The following ELAPOR2 variants were observed in gnomAD, a reference collection of about 807,000 sequenced individuals.
ELAPOR2 encodes endosome-lysosome associated apoptosis and autophagy regulator family member 2.
In ELAPOR2, 89 loss-of-function variants were observed where a neutral mutation model predicts 120.7. That is an observed-to-expected ratio of 0.74 (90% CI 0.62 to 0.88). The LOEUF (loss-of-function observed/expected upper bound fraction) is 0.88, where lower values mean the gene tolerates loss of function less well. Among genes scored for constraint, ELAPOR2 ranks in the 40% least tolerant of loss-of-function variants. ELAPOR2 has a pLI of 0.00. For missense variants in ELAPOR2, 1,134 were observed against 1,251.6 expected, an observed-to-expected ratio of 0.91 and a Z score of 1.42; for synonymous variants, 444 against 444.9, an observed-to-expected ratio of 1.00 and a Z score of 0.03.
intron 1 of ELAPOR2, among the ~76,000 whole-genome samples, chr7:87,006,736 A>G (rs2116649429): frequency 6.6e-6 from 1 of 152,332 alleles, no homozygotes; most frequent in South Asian, 2.1e-4. Flanking sequence ...ATGTCCACAA[A>G]GCAGACTTGT....
At chr7:87,016,658 G>T (rs1245003384) in intron 1 of ELAPOR2, among the ~76,000 whole-genome samples, 6 of 143,530 alleles carry the variant, frequency 4.2e-5, no homozygotes, top group Non-Finnish European at 9.1e-5. Context: ...ACGGAGTATA[G>T]TAACTATTAT....
In ELAPOR2 at chr7:87,030,102, C is replaced by T. The variant is rs567340591; in HGVS notation, c.189+29223G>A. Among the ~76,000 whole-genome samples, 11 of 152,132 alleles carry T rather than the reference C, an allele frequency of 7.2e-5. No homozygotes were observed. In the East Asian group the frequency reaches 1.7e-3, roughly 24 times the overall value. ...TTTGAAGAGATCAGGAAAACAAAGC[C>T]ATAGCTGAAAATTTCAGGTTAAGGA... On this transcript the variant is annotated intron_variant, in intron 1 of 21. Transcript: ENST00000450689.
chr7:87,050,574 T>C (rs900075005), intron 1 of ELAPOR2, among the ~76,000 whole-genome samples: 1 of 152,152 alleles, frequency 6.6e-6, no homozygotes, highest in African/African-American at 2.4e-5. Flanking sequence ...TTAAACATCT[T>C]TTCTTTATAA....
At chr7:87,041,876 G>T (rs1000050662) in intron 1 of ELAPOR2, among the ~76,000 whole-genome samples, 1 of 151,846 alleles carries the variant, frequency 6.6e-6, no homozygotes, top group East Asian at 1.9e-4. Context: ...CATCTCACGT[G>T]CAGAGACACA....
At chr7:87,032,616 A>G (rs1460879707) in intron 1 of ELAPOR2, among the ~76,000 whole-genome samples, 1 of 152,240 alleles carries the variant, frequency 6.6e-6, no homozygotes, top group Non-Finnish European at 1.5e-5. Context: ...AAATGTACAG[A>G]TAAAAACAGA....
chr7:86,920,610 G>T (rs1789786757), intron 10 of ELAPOR2, among the ~76,000 whole-genome samples: 1 of 152,074 alleles, frequency 6.6e-6, no homozygotes, highest in Non-Finnish European at 1.5e-5. Context: ...AAGTTTGGAG[G>T]ATTAATACCC....
At chr7:86,945,132 T>C (rs1019201185) in intron 3 of ELAPOR2, 86 bp from the exon 4 acceptor site, 8 of 1,260,222 alleles carry the variant, frequency 6.3e-6, no homozygotes, top group South Asian at 1.4e-5. Flanking sequence ...GATTCACGAG[T>C]AGTTCCATCA....
intron 1 of ELAPOR2, among the ~76,000 whole-genome samples, chr7:87,041,708 G>A (rs1431660655): frequency 3.3e-5 from 5 of 151,160 alleles, no homozygotes; most frequent in Non-Finnish European, 5.9e-5. Flanking sequence ...ATCAACTAAC[G>A]AGCAAAATAA....
At chr7:86,967,792 A>T (rs967225782) in intron 1 of ELAPOR2, among the ~76,000 whole-genome samples, 3 of 152,182 alleles carry the variant, frequency 2.0e-5, no homozygotes, top group African/African-American at 7.2e-5. Flanking sequence ...CCTTCTCTAG[A>T]TTACTCAAGG....
At chr7:86,987,661 T>C (rs74976795) in intron 1 of ELAPOR2, among the ~76,000 whole-genome samples, 55,436 of 149,044 alleles carry the variant, frequency 0.37, 11,154 homozygotes, top group African/African-American at 0.52. Flanking sequence ...CATCTCACGC[T>C]AGTTAGAATG....
chr7:86,893,720 G>C (rs1379340411), intron 19 of ELAPOR2, among the ~76,000 whole-genome samples: 2 of 151,976 alleles, frequency 1.3e-5, no homozygotes, highest in East Asian at 3.9e-4. Flanking sequence ...ACCCACACCA[G>C]TTACTTTCAT....
rs183299190 is a variant in ELAPOR2 at position 86,974,737 on chromosome 7, A to T, written c.190-9713T>A. 7.9e-5 allele frequency among the ~76,000 whole-genome samples: 12 copies of T among 152,212 alleles called. No homozygotes were observed. In the East Asian group the frequency reaches 1.9e-3, roughly 24 times the overall value. ...GTATTATCAAAATTTTCTACAGTTA[A>T]AATATATTTATTTCCCTCAGTTCAG... is the stretch of plus-strand genomic sequence containing the variant. On this transcript the variant is annotated intron_variant, in intron 1 of 21. Transcript: ENST00000450689.
intron 1 of ELAPOR2, among the ~76,000 whole-genome samples, chr7:87,002,252 T>C (rs1635015): frequency 0.045 from 6,885 of 152,178 alleles, 173 homozygotes; most frequent in Non-Finnish European, 0.054. Flanking sequence ...CAGTTACTAG[T>C]TGTGGCCTGA....
Position 86,938,114 on chromosome 7 carries a change from C to A in ELAPOR2, c.1089+12G>T. On this transcript the variant is annotated intron_variant, in intron 8 of 21. Coordinates refer to ENST00000450689, the MANE Select transcript of ELAPOR2 (RefSeq NM_001142749.3). ...AAAATATGGGATGGAGTTGATGCAA[C>A]ACTGCTGGTACCTTTCCTTCTTCAT... 1 of 1,544,814 alleles carries A rather than the reference C, an allele frequency of 6.5e-7. No homozygotes were observed. Among genetic ancestry groups the A allele is most frequent in the Non-Finnish European group, 8.8e-7 (1 of 1,141,454 alleles).
At position 87,015,891 on chromosome 7, in the gene ELAPOR2, T is replaced by C. The variant is rs144614199; in HGVS notation, c.189+43434A>G. On this transcript the variant is annotated intron_variant, in intron 1 of 21. Transcript: ENST00000450689. ...GATTGGGCTCTTTACACAACAAATTTTCTTAAAGTAGGTTGTCAGTTAACA... is the reference window on the plus strand; with the variant it reads ...GATTGGGCTCTTTACACAACAAATTCTCTTAAAGTAGGTTGTCAGTTAACA... Among the ~76,000 whole-genome samples the C allele has an allele frequency of 1.9e-3, 284 of 152,300 alleles. 2 individuals are homozygous for C. Among genetic ancestry groups the C allele is most frequent in the African/African-American group, 6.6e-3 (273 of 41,558 alleles).
intron 1 of ELAPOR2, among the ~76,000 whole-genome samples, chr7:87,013,527 A>G (rs1417996715): frequency 6.6e-6 from 1 of 152,136 alleles, no homozygotes; most frequent in Admixed American, 6.5e-5. Flanking sequence ...TTAGATACCT[A>G]AAAGTTGCCA....
intron 1 of ELAPOR2, among the ~76,000 whole-genome samples, chr7:87,031,702 C>T (rs1043830017): frequency 2.2e-4 from 33 of 152,228 alleles, no homozygotes; most frequent in African/African-American, 7.7e-4. Flanking sequence ...CTGGAGTACT[C>T]ACTAGTTAGT....
chr7:86,987,605 A>C (rs1792796076), intron 1 of ELAPOR2, among the ~76,000 whole-genome samples: 1 of 152,188 alleles, frequency 6.6e-6, no homozygotes. Flanking sequence ...AATGCTCATC[A>C]TCACTGGTCA....
At chr7:86,896,165 C>T (rs1160192558) in intron 19 of ELAPOR2, among the ~76,000 whole-genome samples, 1 of 151,958 alleles carries the variant, frequency 6.6e-6, no homozygotes, top group Non-Finnish European at 1.5e-5. Context: ...TTGTATAATG[C>T]TTTAAATTAT....
Sources: gnomAD v4.1 joint callset for allele counts (sites outside exome capture counted in the v4.1 genomes callset) on GRCh38, gnomAD v4.1.1 for gene constraint, MANE v1.5 for transcripts, NCBI Gene and HGNC (gene_info 2026-07-23, HGNC 2026-07-21) for gene names.